The following CERS6 variants were observed in gnomAD, a reference collection of about 807,000 sequenced individuals.
CERS6 encodes the protein LAG1 homolog, ceramide synthase 6.
A neutral mutation model predicts 56.8 loss-of-function variants in CERS6; 26 were observed. The observed-to-expected ratio is 0.46, with a 90% confidence interval of 0.34 to 0.63. The LOEUF is 0.63. Ranked by LOEUF, CERS6 falls within the 30% of genes least tolerant of loss-of-function variation. The probability of loss-of-function intolerance (pLI) is 0.01; values close to 1 mark genes in which losing one functional copy is unlikely to be tolerated. For missense variants in CERS6, 415 were observed against 467.5 expected (o/e 0.89, Z 1.04); for synonymous variants, 164 against 173.3 (o/e 0.95, Z 0.42).
Position 168,497,784 on chromosome 2 carries a change from T to G in CERS6, c.170+41166T>G, listed in dbSNP as rs377090371. On this transcript the variant is annotated intron_variant, in intron 1 of 9. Transcript: ENST00000305747. ...GATGCCGTTAGTAGGTTTTGAGCAATTGAGTGACATGAGCTTCCTTCTTGG... is the reference window on the plus strand; with the variant it reads ...GATGCCGTTAGTAGGTTTTGAGCAAGTGAGTGACATGAGCTTCCTTCTTGG... Among the ~76,000 whole-genome samples, 112 of 152,212 alleles carry G rather than the reference T, an allele frequency of 7.4e-4. 2 individuals carry two copies. Among genetic ancestry groups the G allele is most frequent in the African/African-American group, 2.4e-3 (100 of 41,548 alleles).
intron 4 of CERS6, among the ~76,000 whole-genome samples, chr2:168,668,906 C>T (rs777631549): frequency 5.9e-5 from 9 of 152,144 alleles, no homozygotes; most frequent in Non-Finnish European, 1.0e-4. Context: ...TATACATATG[C>T]ATGACTTTTG....
At chr2:168,557,956 A>G (rs1449506621) in intron 2 of CERS6, among the ~76,000 whole-genome samples, 1 of 152,208 alleles carries the variant, frequency 6.6e-6, no homozygotes, top group African/African-American at 2.4e-5. Context: ...ATACCAAGGA[A>G]TCATGAAAAA....
At chr2:168,681,524 T>G (rs991116568) in intron 4 of CERS6, among the ~76,000 whole-genome samples, 4 of 152,144 alleles carry the variant, frequency 2.6e-5, no homozygotes, top group African/African-American at 9.7e-5. Flanking sequence ...GATATGCAAT[T>G]TTACATATTT....
At chr2:168,718,790 C>A (rs971233830) in intron 8 of CERS6, among the ~76,000 whole-genome samples, 2 of 152,176 alleles carry the variant, frequency 1.3e-5, no homozygotes, top group African/African-American at 4.8e-5. Context: ...GATCGTCATG[C>A]CTGCTATTTC....
intron 3 of CERS6, among the ~76,000 whole-genome samples, chr2:168,594,164 T>G (rs1262603436): frequency 1.3e-5 from 2 of 152,226 alleles, no homozygotes; most frequent in Non-Finnish European, 1.5e-5. Flanking sequence ...AATACTATTA[T>G]TATACTTATA....
intron 1 of CERS6, among the ~76,000 whole-genome samples, chr2:168,482,212 A>C (rs1011136430): frequency 2.0e-5 from 3 of 152,210 alleles, no homozygotes; most frequent in African/African-American, 4.8e-5. Context: ...GGTTTTCTTG[A>C]GTTTATCTTG....
intron 3 of CERS6, among the ~76,000 whole-genome samples, chr2:168,561,867 A>G (rs779319568): frequency 1.3e-5 from 2 of 152,228 alleles, no homozygotes; most frequent in African/African-American, 4.8e-5. Flanking sequence ...TGTATAAATT[A>G]TATATCAATA....
chr2:168,630,383 G>GA (rs1357996734), intron 3 of CERS6, among the ~76,000 whole-genome samples: 1 of 151,510 alleles, frequency 6.6e-6, no homozygotes. Context: ...AAAATCAAAA[G>GA]AAAACTTAAA....
chr2:168,709,823 A>G (rs898463426), intron 6 of CERS6, among the ~76,000 whole-genome samples: 1 of 152,184 alleles, frequency 6.6e-6, no homozygotes, highest in Non-Finnish European at 1.5e-5. Flanking sequence ...CAAATTGGCA[A>G]TTTGTTTAAA....
chr2:168,723,621 A>G (rs190192131), intron 8 of CERS6, among the ~76,000 whole-genome samples: 223 of 152,274 alleles, frequency 1.5e-3, no homozygotes, highest in Admixed American at 4.2e-3. Flanking sequence ...TCTTAATAAT[A>G]CCTTGTTATT....
At chr2:168,761,169 GGT>G (rs1191023087) in intron 8 of CERS6, among the ~76,000 whole-genome samples, 7 of 151,972 alleles carry the variant, frequency 4.6e-5, no homozygotes, top group Non-Finnish European at 8.8e-5. Flanking sequence ...ATATCCGTTT[GGT>G]GCACTGATTG....
At chr2:168,592,909 C>A (rs1227203872) in intron 3 of CERS6, among the ~76,000 whole-genome samples, 1 of 152,118 alleles carries the variant, frequency 6.6e-6, no homozygotes, top group Admixed American at 6.5e-5. Flanking sequence ...ATTCTAGGGG[C>A]CAGGAGTCCA....
chr2:168,550,551 C>T (rs1695548108), intron 2 of CERS6, among the ~76,000 whole-genome samples: 1 of 152,104 alleles, frequency 6.6e-6, no homozygotes, highest in Non-Finnish European at 1.5e-5. Flanking sequence ...AAGTGCAGAC[C>T]CTCACAGGTA....
chr2:168,561,428 G>A, intron 3 of CERS6, 106 bp downstream of exon 3: 1 of 1,260,246 alleles, frequency 7.9e-7, no homozygotes, highest in Non-Finnish European at 1.1e-6. Context: ...TTAAAAAGCT[G>A]CAATCTGGTG....
At chr2:168,489,595 T>G (rs1694332078) in intron 1 of CERS6, among the ~76,000 whole-genome samples, 1 of 152,018 alleles carries the variant, frequency 6.6e-6, no homozygotes, top group East Asian at 1.9e-4. Context: ...GTTCCTCATA[T>G]TGGATCATTT....
intron 6 of CERS6, among the ~76,000 whole-genome samples, chr2:168,706,906 C>T (rs988625100): frequency 4.6e-5 from 7 of 152,200 alleles, no homozygotes; most frequent in Admixed American, 2.6e-4. Flanking sequence ...TCTGTTGCAG[C>T]TTCTCAGCTC....
intron 6 of CERS6, among the ~76,000 whole-genome samples, chr2:168,714,673 C>T (rs1395533869): frequency 6.6e-6 from 1 of 152,182 alleles, no homozygotes; most frequent in African/African-American, 2.4e-5. Flanking sequence ...TGATGTCCTC[C>T]TATCTCCTGT....
chr2:168,713,092 T>C (rs925486955), intron 6 of CERS6, among the ~76,000 whole-genome samples: 1 of 152,162 alleles, frequency 6.6e-6, no homozygotes, highest in Admixed American at 6.6e-5. Context: ...GTTGTCTAGT[T>C]TGCTTACTTA....
At chr2:168,662,486 T>C (rs1685656126) in intron 4 of CERS6, among the ~76,000 whole-genome samples, 2 of 152,124 alleles carry the variant, frequency 1.3e-5, no homozygotes, top group African/African-American at 4.8e-5. Flanking sequence ...CCCAGCACTT[T>C]GGGAGGCTAA....
Sources: allele counts gnomAD v4.1 joint callset (sites outside exome capture counted in the v4.1 genomes callset), GRCh38; gene constraint gnomAD v4.1.1; transcripts MANE v1.5; gene names NCBI Gene and HGNC (gene_info 2026-07-23, HGNC 2026-07-21).